Variants in AKR1C2 observed in about 807,000 individuals in gnomAD.
AKR1C2 encodes 3-alpha-HSD3.
In AKR1C2, 27 loss-of-function variants were observed where a neutral mutation model predicts 39.8. That is an observed-to-expected ratio of 0.68 (90% confidence interval 0.50 to 0.93). The LOEUF (loss-of-function observed/expected upper bound fraction) is 0.93, where lower values mean the gene tolerates loss of function less well. AKR1C2 is among the 40% of genes least tolerant of loss of function. AKR1C2 has a pLI of 0.00. For synonymous variants in AKR1C2, 114 were observed against 137.9 expected, an observed-to-expected ratio of 0.83 and a Z score of 1.22; for missense variants, 263 against 365.1, an observed-to-expected ratio of 0.72 and a Z score of 2.28.
intron 5 of AKR1C2, among the ~76,000 whole-genome samples, chr10:4,997,020 G>A (rs548507223): frequency 1.3e-5 from 2 of 152,072 alleles, no homozygotes; most frequent in Non-Finnish European, 2.9e-5. Flanking sequence ...CAGATTACTA[G>A]TAATTGTTAA....
At chr10:4,990,620 T>C (rs1311805927) in intron 8 of AKR1C2, among the ~76,000 whole-genome samples, 1 of 152,198 alleles carries the variant, frequency 6.6e-6, no homozygotes, top group Non-Finnish European at 1.5e-5. Context: ...ATTTTATAGG[T>C]AGACATAATC....
Position 5,014,792 on chromosome 10 carries a change from C to A in AKR1C2, c.-88+3108G>T, listed in dbSNP as rs190570606. On this transcript the variant is annotated intron_variant, in intron 1 of 6. Coordinates refer to the AKR1C2 transcript ENST00000604507. ...AATACCTCCAATAGCTCCAACATGG[C>A]TTTGCATATTTAATTTTAGTATTAT... The A allele has an allele frequency of 2.0e-5, 3 of 152,308 alleles. No individual in the cohort carries two copies. The East Asian group carries it at 5.8e-4, about 29-fold the overall frequency. 9.4% of individuals were successfully genotyped at this position (152,308 alleles called of 1,614,324 possible).
In AKR1C2 at chr10:5,012,498, A is replaced by G. The variant is rs184788797; in HGVS notation, c.-88+5402T>C. On this transcript the variant is annotated intron_variant, in intron 1 of 6. Transcript: ENST00000604507. ...ACAATCAAAGAGGATGTGTAAGGAA[A>G]GACCCATAGGGAAGAGATCCTAAGA... Among the ~76,000 whole-genome samples the G allele has an allele frequency of 6.0e-4, 90 of 150,476 alleles. 1 individual carries two copies. Among genetic ancestry groups the G allele is most frequent in the Non-Finnish European group, 9.7e-4 (66 of 67,918 alleles).
chr10:4,993,858 C>T (rs868958704), intron 7 of AKR1C2, among the ~76,000 whole-genome samples: 73 of 151,162 alleles, frequency 4.8e-4, no homozygotes, highest in African/African-American at 1.6e-3. Context: ...AGAGAACATA[C>T]ACATATGTAT....
At chr10:4,999,822 A>T (rs1837196008) in intron 3 of AKR1C2, 1 of 686,980 alleles carries the variant, frequency 1.5e-6, no homozygotes, top group African/African-American at 2.0e-5. Flanking sequence ...CCACCAACGA[A>T]AAAGGTTGGA....
chr10:5,004,314 T>G (rs2131711642), upstream of AKR1C2, among the ~76,000 whole-genome samples: 1 of 152,350 alleles, frequency 6.6e-6, no homozygotes, highest in African/African-American at 2.4e-5. Context: ...CTTTAAAATA[T>G]TGCCCTCAAT....
Position 4,999,750 on chromosome 10 carries a change from G to A in AKR1C2, c.370-473C>T, listed in dbSNP as rs1554773644. 4 of 204,548 alleles carry A rather than the reference G, an allele frequency of 2.0e-5. No individual in the cohort carries two copies. The Admixed American group carries it at 2.3e-4, about 12-fold the overall frequency. The allele number at this position is 204,548 out of a possible 1,614,324, so 12.7% of individuals were successfully genotyped here. A position where few individuals can be genotyped will look rare whatever the true frequency, so the allele number is the denominator to read the frequency against. ...GTTTTCCAGGCTAGTTTGGAAATTAGGAGATGCACAGGAGCTCACGGTAAT... is the reference window on the plus strand; with the variant it reads ...GTTTTCCAGGCTAGTTTGGAAATTAAGAGATGCACAGGAGCTCACGGTAAT... On this transcript the variant is annotated intron_variant, in intron 3 of 8. Transcript: ENST00000380753.
Position 4,988,575 on chromosome 10 carries a change from GT to G in AKR1C2, c.*1420del, listed in dbSNP as rs1554771731. 2 of 152,176 alleles carry G rather than the reference GT, an allele frequency of 1.3e-5. No individual in the cohort carries two copies. The highest frequency in any genetic ancestry group is 2.4e-5 in the African/African-American group (1 of 41,434). The allele number at this position is 152,176 out of a possible 1,614,324, so 9.4% of individuals were successfully genotyped here. ...GGCCTCTTCCAATTTTATAGAATAA[GT>G]AATTTACAGAAAAATTGTGAGCTGC... On this transcript the variant is annotated 3_prime_UTR_variant, in exon 9 of 9. Transcript: ENST00000380753.
chr10:5,003,351 C>G lies in AKR1C2; in HGVS notation c.84+401G>C, dbSNP rs1253494917. ...GGCCGCCCATCAGAACAGTGATACT[C>G]TCCCAACAGATTTCATCCACCCCGT... is the stretch of plus-strand genomic sequence containing the variant. On this transcript the variant is annotated intron_variant, in intron 1 of 8. Transcript: ENST00000380753. Among the ~76,000 whole-genome samples, 5 of 151,332 alleles carry G rather than the reference C, an allele frequency of 3.3e-5. No individual in the cohort carries two copies. The South Asian group carries it at 8.5e-4, about 26-fold the overall frequency.
rs115270865 is a variant in AKR1C2, at chr10:4,998,833, T to G, written c.448-86A>C. Reference sequence around the variant, plus strand: ...AACATAGAACTGTGAAAGCAACAACTGTCTAGACGTGACAATCAAACTAGC... The same window carrying G: ...AACATAGAACTGTGAAAGCAACAACGGTCTAGACGTGACAATCAAACTAGC... On this transcript the variant is annotated intron_variant, in intron 4 of 8. Coordinates refer to ENST00000380753, the MANE Select transcript of AKR1C2 (RefSeq NM_001393392.1). The G allele has an allele frequency of 5.1e-6, 8 of 1,563,064 alleles. No individual in the cohort carries two copies. The African/African-American group carries it at 1.1e-4, about 21-fold the overall frequency.
intron 7 of AKR1C2, among the ~76,000 whole-genome samples, chr10:4,994,792 G>T (rs561361486): frequency 2.7e-4 from 40 of 147,184 alleles, no homozygotes; most frequent in African/African-American, 9.8e-4. Context: ...AAATGCTTTT[G>T]CATTAAGCCT....
intron 7 of AKR1C2, among the ~76,000 whole-genome samples, chr10:4,992,632 T>C (rs1394700747): frequency 6.7e-6 from 1 of 149,810 alleles, no homozygotes. Context: ...AAAATGAAAA[T>C]GAAAAGTTAT....
Position 5,000,640 on chromosome 10 carries a change from C to T in AKR1C2, c.279G>A (p.Glu93=), listed in dbSNP as rs782251038. The change falls in exon 3 of 9, where the codon GAG becomes GAA. Residue 93 remains glutamate (E), a synonymous_variant. Transcript: ENST00000380753. The part of the protein sequence containing the change: ...SKLWSNSHRP[E]LVRPALERSL... ...ACCTTTCCAAGGCTGGTCGGACCAA[C>T]TCTGGTCGATGGGAATTGCTCCAAA... is the stretch of plus-strand genomic sequence containing the variant. 4 of 1,613,948 alleles carry T rather than the reference C, an allele frequency of 2.5e-6. No homozygotes were observed. Among genetic ancestry groups the T allele is most frequent in the Non-Finnish European group, 2.5e-6 (3 of 1,179,882 alleles).
At chr10:4,999,711 T>C (rs1469125389) in intron 3 of AKR1C2, 1 of 175,262 alleles carries the variant, frequency 5.7e-6, no homozygotes, top group African/African-American at 2.4e-5. Context: ...GAACCAATCA[T>C]GGTCAATGGA....
chr10:5,015,393 C>A (rs1554775265), intron 1 of AKR1C2, among the ~76,000 whole-genome samples: 1 of 152,026 alleles, frequency 6.6e-6, no homozygotes, highest in East Asian at 1.9e-4. Context: ...CAGTTATGTC[C>A]CAAATTAGGT....
intron 1 of AKR1C2, among the ~76,000 whole-genome samples, chr10:5,011,911 C>A (rs1410829025): frequency 6.6e-6 from 1 of 152,138 alleles, no homozygotes; most frequent in East Asian, 1.9e-4. Context: ...ACTTCTTTGT[C>A]TGTATAAGTT....
chr10:4,996,565 G>C (rs1361866588), intron 5 of AKR1C2, among the ~76,000 whole-genome samples: 1 of 131,658 alleles, frequency 7.6e-6, no homozygotes, highest in Non-Finnish European at 1.6e-5. Flanking sequence ...TATATATGCT[G>C]AGTAGATGTG....
Position 4,999,237 on chromosome 10 carries a change from A to G in AKR1C2, c.410T>C (p.Ile137Thr). ...ACAGAGATCCACTGTGTCAAATAGT[A>G]TTTTTCCATTTTCATCTTTTGGGAT... ...EVIPKDENGK[I>T]LFDTVDLCAT... Residue 137 changes from isoleucine to threonine, a missense_variant, in exon 4 of 9, where the codon ATA (isoleucine) becomes ACA (threonine). This residue lies in a region of AKR1C2 where 247 missense variants were observed against 267.9 expected (regional missense o/e 0.92). Coordinates refer to ENST00000380753, the MANE Select transcript of AKR1C2 (RefSeq NM_001393392.1). 3 of 1,608,336 alleles carry G rather than the reference A, an allele frequency of 1.9e-6. No individual in the cohort carries two copies. Among genetic ancestry groups the G allele is most frequent in the Non-Finnish European group, 1.7e-6 (2 of 1,176,754 alleles).
In AKR1C2 at chr10:5,003,668, A is replaced by G. The variant is rs1554774080; in HGVS notation, c.84+84T>C. ...TTAAAGGGGAGTCATGCAGAGTAAC[A>G]TAGGAACACAAGCCTGACAACCTGG... is the stretch of plus-strand genomic sequence containing the variant. On this transcript the variant is annotated intron_variant, in intron 1 of 8. Transcript: ENST00000380753. The G allele has an allele frequency of 2.3e-6, 3 of 1,317,030 alleles. No homozygotes were observed. The African/African-American group carries it at 4.3e-5, about 19-fold the overall frequency. 81.6% of individuals were successfully genotyped at this position (1,317,030 alleles called of 1,614,324 possible).
Sources: gnomAD v4.1 joint callset for allele counts (sites outside exome capture counted in the v4.1 genomes callset) on GRCh38, gnomAD v4.1.1 for gene constraint, gnomAD v4.1.1 regional missense constraint, MANE v1.5 for transcripts, NCBI Gene and HGNC (gene_info 2026-07-23, HGNC 2026-07-21) for gene names.